The following TTLL5 variants were observed in gnomAD, a reference collection of about 807,000 sequenced individuals.
The protein encoded by TTLL5 is tubulin polyglutamylase TTLL5.
A neutral mutation model predicts 168.4 loss-of-function variants in TTLL5; 132 were observed. The ratio of observed to expected loss-of-function variants is 0.78; its 90% CI spans 0.68 to 0.91. TTLL5 has a LOEUF of 0.91. Ranked by LOEUF, TTLL5 falls within the 40% of genes least tolerant of loss-of-function variation. The probability of loss-of-function intolerance (pLI) is 0.00; values close to 1 mark genes in which losing one functional copy is unlikely to be tolerated. For missense variants in TTLL5, 1,545 were observed against 1,581.5 expected, an observed-to-expected ratio of 0.98 and a Z score of 0.39; for synonymous variants, 546 against 558.6, an observed-to-expected ratio of 0.98 and a Z score of 0.32.
At chr14:75,708,375 T>G (rs1886800771) in intron 9 of TTLL5, among the ~76,000 whole-genome samples, 2 of 152,064 alleles carry the variant, frequency 1.3e-5, no homozygotes, top group South Asian at 4.1e-4. Flanking sequence ...TTTTTGTTTG[T>G]TTTTGAGATG....
intron 30 of TTLL5, 113 bp downstream of exon 30, chr14:75,883,015 C>T (rs1350976098): frequency 6.9e-6 from 8 of 1,165,658 alleles, no homozygotes; most frequent in East Asian, 2.6e-5. Context: ...AACAAGAACA[C>T]CTGCTGGGAA....
intron 31 of TTLL5, among the ~76,000 whole-genome samples, chr14:75,947,484 TG>T (rs2034811824): frequency 6.6e-6 from 1 of 152,230 alleles, no homozygotes. Flanking sequence ...GTATATTTAA[TG>T]TTTTTTTCAT....
intron 1 of TTLL5, among the ~76,000 whole-genome samples, chr14:75,662,062 T>C (rs956855509): frequency 6.6e-6 from 1 of 152,172 alleles, no homozygotes; most frequent in Non-Finnish European, 1.5e-5. Context: ...AGAAAAAATA[T>C]TTTAAGTTAG....
chr14:75,897,405 T>C (rs2032718422), intron 30 of TTLL5, among the ~76,000 whole-genome samples: 1 of 152,216 alleles, frequency 6.6e-6, no homozygotes, highest in South Asian at 2.1e-4. Context: ...ATTATAGTTT[T>C]TAAGTGGCTA....
rs1461326035 is a variant in TTLL5, at chr14:75,782,552, A to G, written c.2581A>G (p.Ile861Val). 1 of 1,613,984 alleles carries G rather than the reference A, an allele frequency of 6.2e-7. No homozygotes were observed. The highest frequency in any genetic ancestry group is 1.1e-5 in the South Asian group (1 of 91,040). ...ACCTAAACAGCAACAGACGACAGAA[A>G]TTCATTCTGATAAATTATCTCGTGA... ...KPPKQQQTTE[I>V]HSDKLSRFTT... Residue 861 changes from isoleucine to valine, a missense_variant, in exon 25 of 32, where the codon ATT (isoleucine) becomes GTT (valine). Transcript: ENST00000298832.
chr14:75,893,690 C>T (rs567397395), intron 30 of TTLL5, among the ~76,000 whole-genome samples: 4 of 152,018 alleles, frequency 2.6e-5, no homozygotes, highest in South Asian at 2.1e-4. Context: ...GGGTGACGCA[C>T]GCCTGTAATC....
intron 1 of TTLL5, among the ~76,000 whole-genome samples, chr14:75,661,985 GTTTC>G (rs1405523008): frequency 6.6e-6 from 1 of 152,076 alleles, no homozygotes; most frequent in African/African-American, 2.4e-5. Context: ...ATTTAAACAT[GTTTC>G]TTTTATTTGT....
intron 3 of TTLL5, among the ~76,000 whole-genome samples, chr14:75,675,397 A>G (rs1027517164): frequency 1.3e-5 from 2 of 152,020 alleles, no homozygotes; most frequent in African/African-American, 4.8e-5. Context: ...CTCTGTGTTG[A>G]CAGTTAGATT....
Position 75,880,496 on chromosome 14 carries a change from C to T in TTLL5, c.3523-2189C>T, listed in dbSNP as rs114895982. ...ACCCAGGGAATTTCTTTATGGATGG[C>T]TCAGTGTAGAACTGTTCTTCAGCCC... On this transcript the variant is annotated intron_variant, in intron 29 of 31. Coordinates refer to ENST00000298832, the MANE Select transcript of TTLL5 (RefSeq NM_015072.5). 5.4e-3 allele frequency among the ~76,000 whole-genome samples: 828 copies of T among 152,264 alleles called. 8 individuals carry two copies. Among genetic ancestry groups the T allele is most frequent in the African/African-American group, 0.019 (773 of 41,558 alleles).
chr14:75,818,173 A>G lies in TTLL5; in HGVS notation c.3172-1834A>G, dbSNP rs373758375. Among the ~76,000 whole-genome samples, 16 of 151,998 alleles carry G rather than the reference A, an allele frequency of 1.1e-4. No individual in the cohort carries two copies. In the East Asian group the frequency reaches 2.9e-3, roughly 28 times the overall value. On this transcript the variant is annotated intron_variant, in intron 27 of 31. Transcript: ENST00000298832. ...TTTTCTGATTCCACTACCACTGCCCAGGTTTTAAATACATCTGTATTTGCC... is the reference window on the plus strand; with the variant it reads ...TTTTCTGATTCCACTACCACTGCCCGGGTTTTAAATACATCTGTATTTGCC...
At chr14:75,909,796 T>C (rs1319318947) in intron 31 of TTLL5, among the ~76,000 whole-genome samples, 1 of 152,242 alleles carries the variant, frequency 6.6e-6, no homozygotes, top group Non-Finnish European at 1.5e-5. Context: ...TTTGCTGGCA[T>C]TGACCTGGCT....
intron 27 of TTLL5, among the ~76,000 whole-genome samples, chr14:75,797,336 G>A (rs950100187): frequency 4.6e-5 from 7 of 151,912 alleles, no homozygotes; most frequent in Admixed American, 4.6e-4. Flanking sequence ...AACCTTTATG[G>A]TTTTCTAGGT....
intron 12 of TTLL5, 25 bp from the exon 13 acceptor site, chr14:75,732,313 G>A: frequency 1.2e-6 from 2 of 1,601,156 alleles, no homozygotes; most frequent in Non-Finnish European, 1.7e-6. Context: ...ATGATCTTGT[G>A]TATTGTGTTG....
At chr14:75,663,770 A>T (rs1883051841) in intron 2 of TTLL5, among the ~76,000 whole-genome samples, 1 of 152,130 alleles carries the variant, frequency 6.6e-6, no homozygotes, top group Admixed American at 6.5e-5. Context: ...CAATTTCATG[A>T]TTACTGGATC....
At chr14:75,902,701 C>A in intron 31 of TTLL5, 1 of 443,326 alleles carries the variant, frequency 2.3e-6, no homozygotes. Flanking sequence ...ATGCCATGGT[C>A]TGTGGACAGG....
At chr14:75,799,357 T>C (rs562268708) in intron 27 of TTLL5, among the ~76,000 whole-genome samples, 78 of 152,358 alleles carry the variant, frequency 5.1e-4, no homozygotes, top group African/African-American at 1.9e-3. Context: ...CTTAAGTTTA[T>C]GTGAGTTTAT....
intron 28 of TTLL5, among the ~76,000 whole-genome samples, chr14:75,861,764 AAG>A (rs1242799250): frequency 2.6e-5 from 4 of 152,196 alleles, no homozygotes; most frequent in Non-Finnish European, 5.9e-5. Flanking sequence ...TGGTCCCAAG[AAG>A]AATAACCAAA....
At chr14:75,923,159 C>T (rs1420069283) in intron 31 of TTLL5, among the ~76,000 whole-genome samples, 1 of 152,174 alleles carries the variant, frequency 6.6e-6, no homozygotes, top group Non-Finnish European at 1.5e-5. Context: ...AAAAAACCAG[C>T]TCCTGGATTC....
rs1375528017 is a variant in TTLL5 at position 75,859,386 on chromosome 14, A to G, written c.3327-4281A>G. On this transcript the variant is annotated intron_variant, in intron 28 of 31. Coordinates refer to ENST00000298832, the MANE Select transcript of TTLL5 (RefSeq NM_015072.5). Reference sequence around the variant, plus strand: ...AGATAAAGTTCTAAATGGATAGGCTATTAAGAGAATGTAGTATTTAGAAAA... The same window carrying G: ...AGATAAAGTTCTAAATGGATAGGCTGTTAAGAGAATGTAGTATTTAGAAAA... 3.3e-5 allele frequency among the ~76,000 whole-genome samples: 5 copies of G among 152,244 alleles called. No homozygotes were observed. In the South Asian group the frequency reaches 1.0e-3, roughly 32 times the overall value.
Sources: gnomAD v4.1 joint callset for allele counts (sites outside exome capture counted in the v4.1 genomes callset) on GRCh38, gnomAD v4.1.1 for gene constraint, MANE v1.5 for transcripts, NCBI Gene and HGNC (gene_info 2026-07-23, HGNC 2026-07-21) for gene names.